Variants in MGRN1 observed in about 807,000 individuals in gnomAD.
The protein encoded by MGRN1 is E3 ubiquitin-protein ligase MGRN1.
A neutral mutation model predicts 69.2 loss-of-function variants in MGRN1; 29 were observed. The observed-to-expected ratio is 0.42, with a 90% confidence interval of 0.31 to 0.57. The LOEUF is 0.57. MGRN1 is among the 20% of genes least tolerant of loss of function. The pLI is 0.15. For missense variants in MGRN1, 998 were observed against 796.2 expected (o/e 1.25, Z -3.05); for synonymous variants, 470 against 344.2 (o/e 1.37, Z -4.04).
intron 1 of MGRN1, among the ~76,000 whole-genome samples, chr16:4,625,361 G>T (rs979582284): frequency 6.6e-6 from 1 of 152,246 alleles, no homozygotes; most frequent in Admixed American, 6.5e-5. Flanking sequence ...CGAGGGCGGG[G>T]CGGGGTGCTG....
At chr16:4,633,473 C>T (rs1297852289) in intron 1 of MGRN1, 5 of 151,620 alleles carry the variant, frequency 3.3e-5, no homozygotes, top group African/African-American at 1.2e-4. Flanking sequence ...GGGTGGATCA[C>T]CTGAGGTCGG....
chr16:4,659,963 T>C (rs28605803), intron 5 of MGRN1, among the ~76,000 whole-genome samples: 11,965 of 152,268 alleles, frequency 0.079, 1,377 homozygotes, highest in African/African-American at 0.25. Context: ...TGTCTTCTCT[T>C]TGTGGCCCCA....
chr16:4,650,642 G>A, intron 2 of MGRN1, 159 bp downstream of exon 2: 1 of 574,388 alleles, frequency 1.7e-6, no homozygotes, highest in East Asian at 3.1e-5. Flanking sequence ...GTGGGCACGT[G>A]CCCTGGAATG....
At chr16:4,687,261 G>A (rs2079346685) in intron 16 of MGRN1, 1 of 985,330 alleles carries the variant, frequency 1.0e-6, no homozygotes, top group African/African-American at 1.7e-5. Flanking sequence ...TTTTACAGAA[G>A]GCGGCTCTGT....
At chr16:4,680,353 G>GC (rs1418326954) in intron 12 of MGRN1, 1 of 479,404 alleles carries the variant, frequency 2.1e-6, no homozygotes, top group Non-Finnish European at 3.7e-6. Flanking sequence ...TGGCCCCCGT[G>GC]CCGTTTCCCT....
At chr16:4,652,415 C>T (rs748911799) in intron 3 of MGRN1, among the ~76,000 whole-genome samples, 7 of 152,090 alleles carry the variant, frequency 4.6e-5, no homozygotes, top group Non-Finnish European at 8.8e-5. Context: ...TCAGAAACTG[C>T]TTAAACCGAC....
chr16:4,682,262 G>A (rs2079202851), intron 13 of MGRN1, among the ~76,000 whole-genome samples: 2 of 152,238 alleles, frequency 1.3e-5, no homozygotes, highest in African/African-American at 2.4e-5. Context: ...CTCTCCAGGC[G>A]ATGAGTGCAT....
At chr16:4,681,427 C>A (rs1054872206) in intron 12 of MGRN1, 123 bp from the exon 13 acceptor site, 11 of 927,460 alleles carry the variant, frequency 1.2e-5, no homozygotes, top group African/African-American at 3.3e-5. Flanking sequence ...TCTTGGCCAC[C>A]CTCTGAGGGT....
At position 4,682,867 on chromosome 16, in the gene MGRN1, A is replaced by C. The variant is rs749883461; in HGVS notation, c.1403A>C (p.Glu468Ala). The C allele has an allele frequency of 1.1e-5, 18 of 1,609,378 alleles. No individual in the cohort carries two copies. Among genetic ancestry groups the C allele is most frequent in the Non-Finnish European group, 1.5e-5 (18 of 1,176,690 alleles). Residue 468 changes from glutamate (E) to alanine (A), a missense_variant, in exon 14 of 17, where the codon GAG becomes GCG. By Grantham distance (107) the Glu-to-Ala change is moderately radical. Coordinates refer to ENST00000262370, the MANE Select transcript of MGRN1 (RefSeq NM_015246.4). ...TCCCCCATCCACGAAGAGGATGAGG[A>C]GAAGCTCTCCGAGGACGTGGACGCC... Reference protein sequence around the residue: ...PSSPIHEEDEEKLSEDVDAPP... With the variant: ...PSSPIHEEDEAKLSEDVDAPP...
At chr16:4,662,301 G>A (rs887651184) in intron 5 of MGRN1, among the ~76,000 whole-genome samples, 9 of 152,018 alleles carry the variant, frequency 5.9e-5, no homozygotes, top group South Asian at 4.1e-4. Flanking sequence ...GATCACTGGC[G>A]GTCAGGAGTT....
chr16:4,632,256 C>G (rs181989156), intron 1 of MGRN1, among the ~76,000 whole-genome samples: 1 of 151,554 alleles, frequency 6.6e-6, no homozygotes, highest in Non-Finnish European at 1.5e-5. Context: ...CCTTTTGACC[C>G]GCCTACCTCA....
intron 7 of MGRN1, among the ~76,000 whole-genome samples, chr16:4,665,627 C>T (rs1336419710): frequency 6.6e-6 from 1 of 151,636 alleles, no homozygotes; most frequent in Non-Finnish European, 1.5e-5. Context: ...CCACGGCCTC[C>T]CAGAGTGTTG....
intron 10 of MGRN1, among the ~76,000 whole-genome samples, chr16:4,674,616 C>CTTTTTTTTTTTTTTTTTTTT (rs2079014015): frequency 2.8e-5 from 2 of 71,408 alleles, no homozygotes; most frequent in African/African-American, 5.5e-5. Flanking sequence ...TTTTTCTTTT[C>CTTTTTTTTTTTTTTTTTTTT]TTTTCTTTTC....
intron 1 of MGRN1, among the ~76,000 whole-genome samples, chr16:4,638,729 G>A (rs906069211): frequency 6.6e-6 from 1 of 152,206 alleles, no homozygotes; most frequent in African/African-American, 2.4e-5. Flanking sequence ...TTGTGAGACT[G>A]GTAAGCAGGA....
At position 4,665,136 on chromosome 16, in the gene MGRN1, G is replaced by T. The variant is rs762992853; in HGVS notation, c.663G>T (p.Leu221Phe). ...VEVTGHAHVLLAAFEKHMDGS... is the reference protein window; with the variant it reads ...VEVTGHAHVLFAAFEKHMDGS... ...TGACTGGCCACGCCCACGTGCTCTT[G>T]GCTGCCTTTGAAAAGGTAAGTGCCA... is the stretch of plus-strand genomic sequence containing the variant. The change falls in exon 7 of 17, where the codon TTG (leucine) becomes TTT (phenylalanine). Residue 221 changes from leucine to phenylalanine, a missense_variant. Physicochemically the swap from Leu to Phe is conservative, Grantham distance 22. Coordinates refer to ENST00000262370, the MANE Select transcript of MGRN1 (RefSeq NM_015246.4). 5 of 1,614,184 alleles carry T rather than the reference G, an allele frequency of 3.1e-6. No individual in the cohort carries two copies. Among genetic ancestry groups the T allele is most frequent in the Non-Finnish European group, 4.2e-6 (5 of 1,180,038 alleles).
intron 4 of MGRN1, among the ~76,000 whole-genome samples, chr16:4,654,859 C>T (rs1250361072): frequency 5.9e-5 from 9 of 152,198 alleles, no homozygotes; most frequent in South Asian, 2.1e-4. Context: ...TTGGGCTCCC[C>T]GGCAGCCAGG....
At chr16:4,678,431 G>A (rs918263788) in intron 11 of MGRN1, among the ~76,000 whole-genome samples, 2 of 152,072 alleles carry the variant, frequency 1.3e-5, no homozygotes, top group Non-Finnish European at 2.9e-5. Context: ...ACAGAGACAG[G>A]ATGAGAGAGA....
At position 4,689,215 on chromosome 16, in the gene MGRN1, G is replaced by T. The variant is rs912930140; in HGVS notation, c.*307G>T. Reference sequence around the variant, plus strand: ...CTGGGGCTGGGGCTGCCCACGTGTGGCCTCCGCTGGCTCTGCCTGCTCCTG... The same window carrying T: ...CTGGGGCTGGGGCTGCCCACGTGTGTCCTCCGCTGGCTCTGCCTGCTCCTG... On this transcript the variant is annotated 3_prime_UTR_variant, in exon 17 of 17. Transcript: ENST00000262370. 4 of 321,278 alleles carry T rather than the reference G, an allele frequency of 1.2e-5. No homozygotes were observed. Among genetic ancestry groups the T allele is most frequent in the African/African-American group, 2.1e-5 (1 of 47,308 alleles). 19.9% of individuals were successfully genotyped at this position (321,278 alleles called of 1,614,324 possible).
At position 4,677,515 on chromosome 16, in the gene MGRN1, G is replaced by A; in HGVS notation, c.1008G>A (p.Leu336=). 6 of 1,596,162 alleles carry A rather than the reference G, an allele frequency of 3.8e-6. No homozygotes were observed. The South Asian group carries it at 5.5e-5, about 15-fold the overall frequency. The change falls in exon 11 of 17, where the codon CTG becomes CTA. Residue 336 remains leucine (L), a synonymous_variant. Transcript: ENST00000262370. ...CGGTGCGGAAGAAGCCAGGAGCCCT[G>A]TCCCCCGTGTCCTTCAGCCCCGTCC... ...IRAVRKKPGA[L]SPVSFSPVLA... is the part of the protein sequence containing the mutation.
Sources: gnomAD v4.1 joint callset for allele counts (sites outside exome capture counted in the v4.1 genomes callset) on GRCh38, gnomAD v4.1.1 for gene constraint, MANE v1.5 for transcripts, NCBI Gene and HGNC (gene_info 2026-07-23, HGNC 2026-07-21) for gene names.